LCORL: variants seen among roughly 807,000 people sequenced by gnomAD.
The protein encoded by LCORL is ligand dependent nuclear receptor corepressor like, also known as ligand-dependent nuclear receptor corepressor-like protein.
A neutral mutation model predicts 141.8 loss-of-function variants in LCORL; 41 were observed. That is an observed-to-expected ratio of 0.29 (90% confidence interval 0.23 to 0.38). The LOEUF (loss-of-function observed/expected upper bound fraction) is 0.38. Ranked by LOEUF, LCORL falls within the 10% of genes least tolerant of loss-of-function variation. LCORL has a pLI of 1.00. For synonymous variants in LCORL, 618 were observed against 694.1 expected (o/e 0.89, Z 1.72); for missense variants, 1,759 against 2,035.0 (o/e 0.86, Z 2.61).
chr4:17,962,749 A>T (rs1044701639), intron 3 of LCORL, among the ~76,000 whole-genome samples: 1 of 151,006 alleles, frequency 6.6e-6, no homozygotes, highest in Non-Finnish European at 1.5e-5. Context: ...ATGTGAAATA[A>T]ATAAGTAAAA....
intron 1 of LCORL, among the ~76,000 whole-genome samples, chr4:18,000,840 A>C (rs1721833407): frequency 6.6e-6 from 1 of 152,226 alleles, no homozygotes; most frequent in Non-Finnish European, 1.5e-5. Context: ...GGTGGTTATA[A>C]GAGTATGTTC....
intron 4 of LCORL, among the ~76,000 whole-genome samples, chr4:17,933,259 T>C (rs995388026): frequency 1.3e-5 from 2 of 152,168 alleles, no homozygotes; most frequent in Non-Finnish European, 2.9e-5. Flanking sequence ...TCTCAAATTA[T>C]AGTTTCAACA....
At chr4:18,001,139 C>A (rs899248021) in intron 1 of LCORL, among the ~76,000 whole-genome samples, 1 of 152,178 alleles carries the variant, frequency 6.6e-6, no homozygotes, top group African/African-American at 2.4e-5. Context: ...CCACTGCACT[C>A]TAGCCTGGGC....
intron 7 of LCORL, among the ~76,000 whole-genome samples, chr4:17,851,070 T>C (rs370383974): frequency 0.12 from 16,282 of 141,070 alleles, 918 homozygotes; most frequent in South Asian, 0.23. Flanking sequence ...TAGGTGGGAA[T>C]TGAACAGTGA....
At chr4:17,898,763 A>G (rs968623367) in intron 5 of LCORL, among the ~76,000 whole-genome samples, 4 of 150,070 alleles carry the variant, frequency 2.7e-5, no homozygotes, top group African/African-American at 9.9e-5. Context: ...TCCTGCTATT[A>G]CAATTAATGT....
rs527922545 is a variant in LCORL, at chr4:17,923,547, G to C, written c.431-14202C>G. ...TTTAATCCCAGCTACTTAGGAGGCT[G>C]AGACAGGAGAATCGCTCGAACCCGG... On this transcript the variant is annotated intron_variant, in intron 4 of 7. Coordinates refer to ENST00000635767, the Ensembl canonical transcript of LCORL. Among the ~76,000 whole-genome samples, 14 of 152,260 alleles carry C rather than the reference G, an allele frequency of 9.2e-5. No individual in the cohort carries two copies. The South Asian group carries it at 2.9e-3, about 32-fold the overall frequency.
In LCORL at chr4:17,986,479, TCTGA is replaced by T. The variant is rs542615809; in HGVS notation, c.155-13598_155-13595del. Among the ~76,000 whole-genome samples the T allele has an allele frequency of 4.7e-3, 710 of 152,318 alleles. 1 individual carries two copies. Among genetic ancestry groups the T allele is most frequent in the Non-Finnish European group, 6.9e-3 (466 of 68,010 alleles). On this transcript the variant is annotated intron_variant, in intron 1 of 7. Transcript: ENST00000635767. ...TTTTCATTCTGTTTTCTTTATTTTG[TCTGA>T]CTGTCTTATTTCAGACAGCCAGTCT...
chr4:18,005,223 G>A (rs1362294527), intron 1 of LCORL, among the ~76,000 whole-genome samples: 1 of 152,112 alleles, frequency 6.6e-6, no homozygotes, highest in East Asian at 1.9e-4. Flanking sequence ...CTGGCTAGCA[G>A]TCAAATTTTG....
intron 1 of LCORL, among the ~76,000 whole-genome samples, chr4:17,984,073 T>C (rs1484592734): frequency 6.6e-6 from 1 of 152,222 alleles, no homozygotes; most frequent in Non-Finnish European, 1.5e-5. Context: ...ATCACATTTA[T>C]TGACTTGCAT....
chr4:17,916,026 G>T (rs914563473), intron 4 of LCORL, among the ~76,000 whole-genome samples: 1 of 152,138 alleles, frequency 6.6e-6, no homozygotes, highest in South Asian at 2.1e-4. Context: ...CTTGAAACTT[G>T]TATTTGTTTT....
intron 1 of LCORL, among the ~76,000 whole-genome samples, chr4:17,984,081 C>A (rs531456885): frequency 6.6e-6 from 1 of 152,232 alleles, no homozygotes; most frequent in Admixed American, 6.5e-5. Flanking sequence ...TATTGACTTG[C>A]ATATGTTGAA....
Position 18,011,174 on chromosome 4 carries a change from T to G in LCORL, c.154+10424A>C, listed in dbSNP as rs148259069. Among the ~76,000 whole-genome samples the G allele has an allele frequency of 2.3e-4, 35 of 152,266 alleles. No homozygotes were observed. The East Asian group carries it at 6.4e-3, about 28-fold the overall frequency. On this transcript the variant is annotated intron_variant, in intron 1 of 7. Coordinates refer to ENST00000635767, the Ensembl canonical transcript of LCORL. The stretch of plus-strand genomic sequence containing the variant: ...AGCTATTCCTCTAACCTGGCCTGTA[T>G]CGGTAATAGAAAGATTATTTTGGCT...
rs111535916 is a variant in LCORL, at chr4:17,924,745, T to C, written c.431-15400A>G. Reference sequence around the variant, plus strand: ...AAGTGAAGCAGTGGGCTCATGCTCATGGAATTCACTGGTCTTACCATGTTC... The same window carrying C: ...AAGTGAAGCAGTGGGCTCATGCTCACGGAATTCACTGGTCTTACCATGTTC... On this transcript the variant is annotated intron_variant, in intron 4 of 7. Transcript: ENST00000635767. 4.8e-3 allele frequency among the ~76,000 whole-genome samples: 735 copies of C among 152,318 alleles called. 3 individuals are homozygous for C. The highest frequency in any genetic ancestry group is 0.017 in the African/African-American group (696 of 41,580).
intron 4 of LCORL, among the ~76,000 whole-genome samples, chr4:17,925,600 G>A (rs933912884): frequency 6.6e-6 from 1 of 152,088 alleles, no homozygotes; most frequent in Non-Finnish European, 1.5e-5. Context: ...GGCTGGGTGC[G>A]GTTGCTCATG....
exon 8 of LCORL, chr4:17,842,780 A>G (rs573622035): frequency 1.2e-4 from 21 of 169,364 alleles, no homozygotes; most frequent in Admixed American, 3.5e-4. Flanking sequence ...GGCTTCTGTC[A>G]GTCAAGCCAC....
At chr4:17,974,875 A>G (rs1716649693) in intron 1 of LCORL, among the ~76,000 whole-genome samples, 1 of 152,150 alleles carries the variant, frequency 6.6e-6, no homozygotes. Context: ...AGTTGCTCAA[A>G]AGATTCTTTT....
At chr4:17,933,748 A>G (rs972827466) in intron 4 of LCORL, among the ~76,000 whole-genome samples, 2 of 152,094 alleles carry the variant, frequency 1.3e-5, no homozygotes, top group Non-Finnish European at 2.9e-5. Flanking sequence ...CCAAACCAGC[A>G]ATTACTGTCA....
chr4:17,994,695 C>T (rs1362239758), intron 1 of LCORL, among the ~76,000 whole-genome samples: 1 of 151,660 alleles, frequency 6.6e-6, no homozygotes, highest in East Asian at 1.9e-4. Context: ...TCCCTGTTTA[C>T]CAGGTGCTCT....
intron 1 of LCORL, among the ~76,000 whole-genome samples, chr4:18,012,622 C>A: frequency 6.6e-6 from 1 of 152,022 alleles, no homozygotes; most frequent in East Asian, 1.9e-4. Flanking sequence ...ATGTGTAATG[C>A]ACCAATGTTA....
Sources: allele counts gnomAD v4.1 joint callset (sites outside exome capture counted in the v4.1 genomes callset), GRCh38; gene constraint gnomAD v4.1.1; transcripts MANE v1.5; gene names NCBI Gene and HGNC (gene_info 2026-07-23, HGNC 2026-07-21).